Variants in PPRC1 observed in about 807,000 individuals in gnomAD.
PPRC1 encodes PPARG related coactivator 1.
PPRC1 carries 23 observed loss-of-function variants against 132.5 expected under a neutral mutation model. That is an observed-to-expected ratio of 0.17 (90% confidence interval 0.12 to 0.25). The LOEUF is 0.25. Among genes scored for constraint, PPRC1 ranks in the 10% least tolerant of loss-of-function variants. The pLI, the probability that PPRC1 is intolerant of heterozygous loss-of-function variation, is 1.00. For missense variants in PPRC1, 2,006 were observed against 2,089.1 expected, an observed-to-expected ratio of 0.96 and a Z score of 0.78; for synonymous variants, 872 against 833.5, an observed-to-expected ratio of 1.05 and a Z score of -0.80.
chr10:102,122,710 A>G, the PPRC1 span, among the ~76,000 whole-genome samples: 1 of 151,984 alleles, frequency 6.6e-6, no homozygotes, highest in Non-Finnish European at 1.5e-5. Flanking sequence ...GGACAGGGGG[A>G]CTACAACCCA....
chr10:102,128,960 C>T (rs1298952028), upstream of PPRC1, among the ~76,000 whole-genome samples: 23 of 109,586 alleles, frequency 2.1e-4, no homozygotes, highest in African/African-American at 3.9e-4. Flanking sequence ...GACGGAGTCT[C>T]GCTCTGTCAC....
rs752955851 is a variant in PPRC1, at chr10:102,138,863, T to G, written c.490-16T>G. 6.2e-7 allele frequency: 1 copy of G among 1,613,180 alleles called. No homozygotes were observed. Among genetic ancestry groups the G allele is most frequent in the African/African-American group, 1.3e-5 (1 of 74,866 alleles). ...CTGAAGCATAGACTGATCTCAGGTC[T>G]TTCTTTCCCTCTTAGCTGCACAAGC... On this transcript the variant is annotated splice_polypyrimidine_tract_variant and intron_variant, in intron 3 of 13. Transcript: ENST00000278070.
chr10:102,120,762 G>A, the PPRC1 span, among the ~76,000 whole-genome samples: 4 of 152,178 alleles, frequency 2.6e-5, no homozygotes, highest in Admixed American at 6.5e-5. Flanking sequence ...CGTCCTCCGG[G>A]TGCCGCCGGA....
intron 8 of PPRC1, 65 bp downstream of exon 8, chr10:102,145,155 C>T: frequency 1.4e-6 from 2 of 1,459,012 alleles, no homozygotes; most frequent in Admixed American, 3.6e-5. Context: ...TGAGCCTACT[C>T]CAAATCCATT....
At chr10:102,129,937 C>G (rs1192123226), upstream of PPRC1, among the ~76,000 whole-genome samples, 3 of 152,114 alleles carry the variant, frequency 2.0e-5, no homozygotes, top group African/African-American at 7.2e-5. Flanking sequence ...ATCTTCCACA[C>G]AGGAAAAACT....
At chr10:102,145,871 A>C (rs921447862) in intron 8 of PPRC1, among the ~76,000 whole-genome samples, 2 of 151,898 alleles carry the variant, frequency 1.3e-5, no homozygotes, top group Non-Finnish European at 2.9e-5. Context: ...TCTTTAAAAA[A>C]AACAAACAAC....
chr10:102,120,828 G>A, the PPRC1 span, among the ~76,000 whole-genome samples: 2 of 152,098 alleles, frequency 1.3e-5, no homozygotes, highest in Non-Finnish European at 2.9e-5. Flanking sequence ...CGGAGCCGGG[G>A]TGGGCAGTGT....
chr10:102,132,194 C>T (rs1252524111), upstream of PPRC1, among the ~76,000 whole-genome samples: 1 of 152,220 alleles, frequency 6.6e-6, no homozygotes, highest in Non-Finnish European at 1.5e-5. Context: ...TGCAGGCCTA[C>T]TACTTTTTTT....
rs1257757575 is a variant in PPRC1, at chr10:102,139,326, A to C, written c.818A>C (p.Asp273Ala). ...GACAACTGTGTGAGCAGTATCCCGGACTTCCCCATGCATTTGGCCTGCCCT... is the reference window on the plus strand; with the variant it reads ...GACAACTGTGTGAGCAGTATCCCGGCCTTCCCCATGCATTTGGCCTGCCCT... The part of the protein sequence containing the change: ...ELDNCVSSIP[D>A]FPMHLACPEE... Residue 273 changes from aspartate to alanine, a missense_variant, in exon 5 of 14, where the codon GAC (aspartate) becomes GCC (alanine). Coordinates refer to ENST00000278070, the MANE Select transcript of PPRC1 (RefSeq NM_015062.5). 1 of 1,614,142 alleles carries C rather than the reference A, an allele frequency of 6.2e-7. No individual in the cohort carries two copies. The highest frequency in any genetic ancestry group is 1.7e-5 in the Admixed American group (1 of 60,018).
At chr10:102,132,777 TC>T (rs2068568643), upstream of PPRC1, among the ~76,000 whole-genome samples, 1 of 152,212 alleles carries the variant, frequency 6.6e-6, no homozygotes, top group African/African-American at 2.4e-5. Context: ...ATGTTAACTT[TC>T]CCCCTAACTG....
At chr10:102,138,510 A>G in intron 2 of PPRC1, 109 bp from the exon 3 acceptor site, 1 of 1,350,550 alleles carries the variant, frequency 7.4e-7, no homozygotes, top group Non-Finnish European at 1.0e-6. Flanking sequence ...TCGCTGCCCC[A>G]TTAGCTGAGT....
Position 102,150,333 on chromosome 10 carries a change from A to G in PPRC1, c.*304A>G, listed in dbSNP as rs900919346. The G allele has an allele frequency of 5.3e-5, 13 of 246,570 alleles. No homozygotes were observed. The highest frequency in any genetic ancestry group is 3.6e-4 in the East Asian group (4 of 11,216). The allele number at this position is 246,570 out of a possible 1,614,324, so 15.3% of individuals were successfully genotyped here. On this transcript the variant is annotated 3_prime_UTR_variant, in exon 14 of 14. Transcript: ENST00000278070. ...AAACATCAACTAGAGAGAACTCCCAACTGCTGTTGTGCGTCTTTATATGGT... is the reference window on the plus strand; with the variant it reads ...AAACATCAACTAGAGAGAACTCCCAGCTGCTGTTGTGCGTCTTTATATGGT...
At chr10:102,149,136 C>T in intron 12 of PPRC1, 42 bp from the exon 13 acceptor site, 4 of 1,548,668 alleles carry the variant, frequency 2.6e-6, no homozygotes, top group Non-Finnish European at 3.5e-6. Context: ...GGCATGGGCC[C>T]ATATAGCCAC....
Position 102,146,980 on chromosome 10 carries a change from A to G in PPRC1, c.3988A>G (p.Thr1330Ala). The change falls in exon 9 of 14, where the codon ACC (threonine) becomes GCC (alanine). Residue 1330 changes from threonine to alanine, a missense_variant. Coordinates refer to ENST00000278070, the MANE Select transcript of PPRC1 (RefSeq NM_015062.5). The stretch of plus-strand genomic sequence containing the variant: ...GAATGTCAAGCGCCATCAGGACATC[A>G]CCATCAAACCTGTCTTGTCCTTGGG... ...RWNVKRHQDI[T>A]IKPVLSLGPA... 3 of 1,614,064 alleles carry G rather than the reference A, an allele frequency of 1.9e-6. No individual in the cohort carries two copies. The highest frequency in any genetic ancestry group is 2.5e-6 in the Non-Finnish European group (3 of 1,180,004).
rs1564934254 is a variant in PPRC1 at position 102,138,774 on chromosome 10, G to T, written c.489+9G>T. 6.2e-7 allele frequency: 1 copy of T among 1,614,128 alleles called. No homozygotes were observed. Among genetic ancestry groups the T allele is most frequent in the Non-Finnish European group, 8.5e-7 (1 of 1,179,982 alleles). ...CCCGGGAGGGCTCCTCTGTGAGTGTGGGACCAGGGGAAGGGGATTAGTACA... is the reference window on the plus strand; with the variant it reads ...CCCGGGAGGGCTCCTCTGTGAGTGTTGGACCAGGGGAAGGGGATTAGTACA... On this transcript the variant is annotated intron_variant, in intron 3 of 13. Transcript: ENST00000278070.
rs768898660 is a variant in PPRC1 at position 102,138,017 on chromosome 10, G to C, written c.321G>C (p.Glu107Asp). Residue 107 changes from glutamate (E) to aspartate (D), a missense_variant, in exon 2 of 14, where the codon GAG becomes GAC. Glu to Asp is a conservative substitution (Grantham distance 45). Transcript: ENST00000278070. ...ATGCCTCCCTTATCTCCCTCATTGA[G>C]GATTTTGGGAGCCTTGGAGAGGTGA... Reference protein sequence around the residue: ...YMDASLISLIEDFGSLGESRL... With the variant: ...YMDASLISLIDDFGSLGESRL... 4 of 1,613,844 alleles carry C rather than the reference G, an allele frequency of 2.5e-6. No homozygotes were observed. The highest frequency in any genetic ancestry group is 1.7e-6 in the Non-Finnish European group (2 of 1,179,912).
chr10:102,132,519 G>A (rs1270941394), upstream of PPRC1, among the ~76,000 whole-genome samples: 1 of 152,266 alleles, frequency 6.6e-6, no homozygotes, highest in African/African-American at 2.4e-5. Flanking sequence ...GGCAACGTAA[G>A]TTTCTGAGTA....
At position 102,147,169 on chromosome 10, in the gene PPRC1, C is replaced by G. The variant is rs766956845; in HGVS notation, c.4177C>G (p.Pro1393Ala). 1.2e-6 allele frequency: 2 copies of G among 1,614,188 alleles called. No homozygotes were observed. The highest frequency in any genetic ancestry group is 2.2e-5 in the East Asian group (1 of 44,874). Residue 1393 changes from proline to alanine, a missense_variant, in exon 9 of 14, where the codon CCT becomes GCT. Physicochemically the swap from Pro to Ala is conservative, Grantham distance 27. Around this residue, in one of 2 missense-constraint regions of PPRC1, gnomAD observed 1,914 missense variants for 1,917.2 expected, o/e 1.00. Transcript: ENST00000278070. ...GAATGACATGAACACTAGGACTCCC[C>G]CTGAACCCTCAGCCAAGCAGCGGTC... ...CRNDMNTRTP[P>A]EPSAKQRSMR...
Position 102,143,153 on chromosome 10 carries a change from G to C in PPRC1, c.3550+55G>C. 2.6e-6 allele frequency: 4 copies of C among 1,540,382 alleles called. No individual in the cohort carries two copies. In the South Asian group the frequency reaches 4.5e-5, roughly 17 times the overall value. On this transcript the variant is annotated intron_variant, in intron 6 of 13. Transcript: ENST00000278070. ...CTCTTTTTTTGGTGATACTTTTTTG[G>C]GCCCAGCCCTGTAGTTGCTTAAACT...
Sources: allele counts gnomAD v4.1 joint callset (sites outside exome capture counted in the v4.1 genomes callset), GRCh38; gene constraint gnomAD v4.1.1; regional missense constraint gnomAD v4.1.1; transcripts MANE v1.5; gene names NCBI Gene and HGNC (gene_info 2026-07-23, HGNC 2026-07-21).